Variants in FSTL3 observed in about 807,000 individuals in gnomAD.
FSTL3 encodes the protein follistatin like 3.
FSTL3 carries 21 observed loss-of-function variants against 28.1 expected under a neutral mutation model. That is an observed-to-expected ratio of 0.75 (90% CI 0.53 to 1.08). The LOEUF (loss-of-function observed/expected upper bound fraction) is 1.08, where lower values mean the gene tolerates loss of function less well. FSTL3 is among the 50% of genes least tolerant of loss of function. FSTL3 has a pLI of 0.00. For missense variants in FSTL3, 400 were observed against 380.9 expected, an observed-to-expected ratio of 1.05 and a Z score of -0.42; for synonymous variants, 199 against 164.2, an observed-to-expected ratio of 1.21 and a Z score of -1.62.
Position 681,372 on chromosome 19 carries a change from G to C in FSTL3, c.545G>C (p.Cys182Ser). Reference sequence around the variant, plus strand: ...GTGGTGTGCCCGCGGCCACAGTCGTGCGTCGTGGACCAGACGGGCAGCGCC... The same window carrying C: ...GTGGTGTGCCCGCGGCCACAGTCGTCCGTCGTGGACCAGACGGGCAGCGCC... The part of the protein sequence containing the change: ...EHVVCPRPQS[C>S]VVDQTGSAHC... The change falls in exon 4 of 5, where the codon TGC becomes TCC. Residue 182 changes from cysteine (C) to serine (S), a missense_variant. By Grantham distance (112) the Cys-to-Ser change is moderately radical (BLOSUM62 -1). Coordinates refer to ENST00000166139, the MANE Select transcript of FSTL3 (RefSeq NM_005860.3). 6.3e-7 allele frequency: 1 copy of C among 1,589,006 alleles called. No homozygotes were observed. Among genetic ancestry groups the C allele is most frequent in the Non-Finnish European group, 8.5e-7 (1 of 1,175,026 alleles).
intron 2 of FSTL3, among the ~76,000 whole-genome samples, chr19:678,503 T>G (rs955512272): frequency 6.0e-4 from 63 of 105,224 alleles, no homozygotes; most frequent in Non-Finnish European, 9.8e-4. Flanking sequence ...ATGATGGTTT[T>G]TTTTTTTTTT....
At chr19:677,358 T>G (rs1468264689) in intron 1 of FSTL3, among the ~76,000 whole-genome samples, 9 of 151,672 alleles carry the variant, frequency 5.9e-5, no homozygotes, top group East Asian at 3.9e-4. Flanking sequence ...GTGGGGGGGC[T>G]GCCAGGCGCG....
At chr19:678,567 G>A (rs1355524967) in intron 2 of FSTL3, among the ~76,000 whole-genome samples, 2 of 136,158 alleles carry the variant, frequency 1.5e-5, no homozygotes, top group Non-Finnish European at 3.1e-5. Context: ...CTGGAGTGCA[G>A]TGGTGCGATT....
chr19:677,782 C>G lies in FSTL3; in HGVS notation c.104-10C>G, dbSNP rs756567648. 1 of 1,600,116 alleles carries G rather than the reference C, an allele frequency of 6.2e-7. No individual in the cohort carries two copies. Among genetic ancestry groups the G allele is most frequent in the East Asian group, 2.2e-5 (1 of 44,688 alleles). On this transcript the variant is annotated splice_polypyrimidine_tract_variant and intron_variant, in intron 1 of 4. Coordinates refer to ENST00000166139, the MANE Select transcript of FSTL3 (RefSeq NM_005860.3). ...TGGCCCAGGAGAGCACCCCGTTCCC[C>G]GGCCCGCAGGTGGTGTTTGCTGGCT...
intron 1 of FSTL3, among the ~76,000 whole-genome samples, 174 bp downstream of exon 1, chr19:676,700 A>G (rs2031218133): frequency 6.6e-6 from 1 of 152,134 alleles, no homozygotes; most frequent in African/African-American, 2.4e-5. Flanking sequence ...TCAGCAGAGC[A>G]GAGGTTTCTA....
Position 681,578 on chromosome 19 carries a change from G to A in FSTL3, c.733+18G>A, listed in dbSNP as rs2031336651. The A allele has an allele frequency of 6.2e-7, 1 of 1,601,058 alleles. No homozygotes were observed. Among genetic ancestry groups the A allele is most frequent in the Non-Finnish European group, 8.5e-7 (1 of 1,174,640 alleles). On this transcript the variant is annotated intron_variant, in intron 4 of 4. Transcript: ENST00000166139. ...CTGCGCAGGTGCAGACGCAGGGCGG[G>A]GGCACAGGCCTGTCCTGGGGGCCGG...
chr19:679,679 C>T (rs2031282991), intron 2 of FSTL3, among the ~76,000 whole-genome samples: 1 of 152,182 alleles, frequency 6.6e-6, no homozygotes, highest in Non-Finnish European at 1.5e-5. Context: ...CCTAGCAGGA[C>T]CTCAATATCC....
rs146341098 is a variant in FSTL3 at position 677,887 on chromosome 19, A to G, written c.199A>G (p.Ile67Val). The G allele has an allele frequency of 2.2e-5, 35 of 1,613,390 alleles. No individual in the cohort carries two copies. In the African/African-American group the frequency reaches 3.6e-4, roughly 17 times the overall value. Residue 67 changes from isoleucine to valine, a missense_variant, in exon 2 of 5, where the codon ATT becomes GTT. Coordinates refer to ENST00000166139, the MANE Select transcript of FSTL3 (RefSeq NM_005860.3). The stretch of plus-strand genomic sequence containing the variant: ...GGCCGAGTGCTGTGCCTCCGGCAAC[A>G]TTGACACCGCCTGGTCCAACCTCAC... ...TRAECCASGN[I>V]DTAWSNLTHP...
At chr19:679,897 G>A (rs1447719002) in intron 2 of FSTL3, 1 of 162,396 alleles carries the variant, frequency 6.2e-6, no homozygotes. Context: ...GGGCCCCTCC[G>A]GCCTTCCCAG....
At chr19:681,107 C>G (rs1398186679) in intron 3 of FSTL3, among the ~76,000 whole-genome samples, 7 of 147,992 alleles carry the variant, frequency 4.7e-5, no homozygotes, top group African/African-American at 1.5e-4. Flanking sequence ...GGGGCAGGAG[C>G]TCACGAAAGA....
At chr19:680,187 C>T in intron 2 of FSTL3, 87 bp from the exon 3 acceptor site, 2 of 795,382 alleles carry the variant, frequency 2.5e-6, no homozygotes, top group Non-Finnish European at 3.4e-6. Context: ...GCAGAAGGGG[C>T]GCAGGGAGGG....
chr19:676,878 G>A (rs1442916818), intron 1 of FSTL3, among the ~76,000 whole-genome samples: 1 of 150,072 alleles, frequency 6.7e-6, no homozygotes, highest in East Asian at 1.9e-4. Flanking sequence ...GGTTCTAGCC[G>A]CGACCGTCCG....
rs545593007 is a variant in FSTL3 at position 677,649 on chromosome 19, T to C, written c.104-143T>C. ...TCTGGAGCCAGGGTGGGGACACCCA[T>C]GTGGTTTTCTGCCCCTTCTTCCTGG... On this transcript the variant is annotated intron_variant, in intron 1 of 4. Coordinates refer to ENST00000166139, the MANE Select transcript of FSTL3 (RefSeq NM_005860.3). 2.3e-5 allele frequency: 17 copies of C among 752,748 alleles called. No individual in the cohort carries two copies. The African/African-American group carries it at 2.3e-4, about 10-fold the overall frequency. The allele number at this position is 752,748 out of a possible 1,614,324, so 46.6% of individuals were successfully genotyped here. A position where few individuals can be genotyped will look rare whatever the true frequency, so the allele number is the denominator to read the frequency against.
chr19:681,891 C>T lies in FSTL3; in HGVS notation c.*183C>T. On this transcript the variant is annotated 3_prime_UTR_variant, in exon 5 of 5. Coordinates refer to ENST00000166139, the MANE Select transcript of FSTL3 (RefSeq NM_005860.3). The stretch of plus-strand genomic sequence containing the variant: ...GGACTGAGGAAGGGAGGCCTGGGGG[C>T]CGGCTGGTGGGTGGGATAGACCTGC... The T allele has an allele frequency of 1.6e-6, 1 of 637,944 alleles. No homozygotes were observed. The allele number at this position is 637,944 out of a possible 1,614,324, so 39.5% of individuals were successfully genotyped here.
rs2031366715 is a variant in FSTL3 at position 682,704 on chromosome 19, G to C, written c.*996G>C. The C allele has an allele frequency of 4.3e-6, 1 of 233,248 alleles. No homozygotes were observed. The highest frequency in any genetic ancestry group is 1.8e-4 in the South Asian group (1 of 5,550). The allele number at this position is 233,248 out of a possible 1,614,324, so 14.4% of individuals were successfully genotyped here. ...CCTGCTGCTGTCCACGTCAGTTCAT[G>C]AGGCAACGTCGCGTGGTCTCAGACG... On this transcript the variant is annotated 3_prime_UTR_variant, in exon 5 of 5. Transcript: ENST00000166139.
At chr19:680,170 CCG>C in intron 2 of FSTL3, 102 bp from the exon 3 acceptor site, 1 of 642,494 alleles carries the variant, frequency 1.6e-6, no homozygotes, top group South Asian at 4.6e-5. Context: ...GCCCCCGCCT[CCG>C]CCCTGCAGAA....
At chr19:676,833 C>G (rs982313760) in intron 1 of FSTL3, among the ~76,000 whole-genome samples, 1 of 152,198 alleles carries the variant, frequency 6.6e-6, no homozygotes, top group Non-Finnish European at 1.5e-5. Flanking sequence ...GAAACTGAGG[C>G]TCAGGGTCAC....
rs766221303 is a variant in FSTL3 at position 682,672 on chromosome 19, C to T, written c.*964C>T. On this transcript the variant is annotated 3_prime_UTR_variant, in exon 5 of 5. Coordinates refer to ENST00000166139, the MANE Select transcript of FSTL3 (RefSeq NM_005860.3). The stretch of plus-strand genomic sequence containing the variant: ...TGTGCTTGGCCACAGAACCACCCAG[C>T]GTCTCCCCTGCTGCTGTCCACGTCA... The T allele has an allele frequency of 9.9e-5, 23 of 233,450 alleles. No homozygotes were observed. Among genetic ancestry groups the T allele is most frequent in the African/African-American group, 3.7e-4 (17 of 45,476 alleles). 14.5% of individuals were successfully genotyped at this position (233,450 alleles called of 1,614,324 possible).
At position 677,920 on chromosome 19, in the gene FSTL3, G is replaced by A. The variant is rs972338365; in HGVS notation, c.232G>A (p.Gly78Arg). 1.2e-6 allele frequency: 2 copies of A among 1,613,636 alleles called. No homozygotes were observed. Among genetic ancestry groups the A allele is most frequent in the East Asian group, 2.2e-5 (1 of 44,884 alleles). ...DTAWSNLTHPGNKINLLGFLG... is the reference protein window; with the variant it reads ...DTAWSNLTHPRNKINLLGFLG... ...CGCCTGGTCCAACCTCACCCACCCG[G>A]GGAACAAGATCAACCTCCTCGGCTT... The change falls in exon 2 of 5, where the codon GGG becomes AGG. Residue 78 changes from glycine (G) to arginine (R), a missense_variant. Gly to Arg is a moderately radical substitution (Grantham distance 125, BLOSUM62 -2). Transcript: ENST00000166139.
Sources: gnomAD v4.1 joint callset for allele counts (sites outside exome capture counted in the v4.1 genomes callset) on GRCh38, gnomAD v4.1.1 for gene constraint, MANE v1.5 for transcripts, NCBI Gene and HGNC (gene_info 2026-07-23, HGNC 2026-07-21) for gene names.